Variants in PUDP observed in about 807,000 individuals in gnomAD.
The protein encoded by PUDP is pseudouridine 5'-phosphatase.
Under a neutral mutation model 9.4 loss-of-function variants are expected in PUDP, and 8 were observed. That is an observed-to-expected ratio of 0.85 (90% CI 0.50 to 1.53). PUDP has a LOEUF of 1.53. Ranked by LOEUF, PUDP falls within the 40% of genes most tolerant of loss-of-function variation. The pLI, the probability that PUDP is intolerant of heterozygous loss-of-function variation, is 0.00. For missense variants in PUDP, 188 were observed against 189.7 expected (o/e 0.99, Z 0.05); for synonymous variants, 99 against 80.7 (o/e 1.23, Z -1.22).
chrX:7,134,535 T>G (rs1240893413), intron 1 of PUDP, among the ~76,000 whole-genome samples: 1 of 112,192 alleles, frequency 8.9e-6, no homozygotes, highest in Admixed American at 9.5e-5. Flanking sequence ...TTAAAGAGCT[T>G]GTCACGTAAG....
At chrX:6,981,624 A>T (rs1438887363) in intron 1 of PUDP, among the ~76,000 whole-genome samples, 1 of 111,277 alleles carries the variant, frequency 9.0e-6, no homozygotes, top group Admixed American at 9.6e-5. Context: ...TTATTTTTTC[A>T]TTTTCCCTAT....
At chrX:6,953,702 C>A (rs747093700) in intron 3 of PUDP, among the ~76,000 whole-genome samples, 2 of 111,191 alleles carry the variant, frequency 1.8e-5, no homozygotes, top group Non-Finnish European at 3.8e-5. Context: ...AGCAGCAGTG[C>A]ATTGAACATT....
chrX:6,714,611 A>G (rs978791498), intron 1 of PUDP, among the ~76,000 whole-genome samples: 3 of 111,533 alleles, frequency 2.7e-5, no homozygotes, highest in African/African-American at 6.5e-5. Flanking sequence ...ATAGATACAT[A>G]GATACGTAGA....
intron 3 of PUDP, among the ~76,000 whole-genome samples, chrX:6,802,429 G>A (rs1268943164): frequency 9.0e-6 from 1 of 111,729 alleles, no homozygotes. Context: ...ACTGAGCTAT[G>A]GAGCATCTAA....
rs955388536 is a variant in PUDP at position 6,863,517 on chromosome X, C to T, written c.*247+113616G>A. On this transcript the variant is annotated intron_variant and NMD_transcript_variant, in intron 3 of 3. Transcript: ENST00000655425. ...ATTACACAGTGGAGTTACACATATT[C>T]AGCAGGTTTGGGGGGAAAGCTATAC... Among the ~76,000 whole-genome samples the T allele has an allele frequency of 2.7e-5, 3 of 111,955 alleles. No individual in the cohort carries two copies. The Admixed American group carries it at 2.8e-4, about 11-fold the overall frequency.
intron 3 of PUDP, among the ~76,000 whole-genome samples, chrX:6,740,353 C>T (rs967012565): frequency 4.5e-5 from 5 of 111,893 alleles, no homozygotes; most frequent in Non-Finnish European, 7.5e-5. Flanking sequence ...GGAATAGACA[C>T]TTCTTTGTAC....
chrX:6,887,088 A>G (rs998281488), intron 3 of PUDP, among the ~76,000 whole-genome samples: 2 of 103,811 alleles, frequency 1.9e-5, no homozygotes, highest in Non-Finnish European at 3.9e-5. Flanking sequence ...TTTATATGAT[A>G]AATTATATAT....
chrX:6,762,098 G>A (rs1043379691), intron 3 of PUDP, among the ~76,000 whole-genome samples: 5 of 111,528 alleles, frequency 4.5e-5, no homozygotes, highest in South Asian at 3.8e-4. Context: ...GGGCTGAGGC[G>A]GGAGGATGGA....
Position 7,075,216 on chromosome X carries a change from G to A in PUDP, c.510+2004C>T, listed in dbSNP as rs185479609. 1.6e-3 allele frequency among the ~76,000 whole-genome samples: 181 copies of A among 112,246 alleles called. 1 individual carries two copies. Among genetic ancestry groups the A allele is most frequent in the African/African-American group, 5.7e-3 (177 of 30,929 alleles). On this transcript the variant is annotated intron_variant, in intron 3 of 3. Coordinates refer to ENST00000381077, the MANE Select transcript of PUDP (RefSeq NM_012080.5). ...ATCAGAAAGACCAAATATGCGATTA[G>A]AAGATTAGGTCTGGGCACGGTGGCT...
intron 3 of PUDP, among the ~76,000 whole-genome samples, chrX:6,962,056 T>G (rs1236969975): frequency 1.8e-5 from 2 of 112,080 alleles, no homozygotes; most frequent in Non-Finnish European, 3.8e-5. Context: ...CTGAAAGAAC[T>G]AACAAGTAAA....
intron 1 of PUDP, among the ~76,000 whole-genome samples, chrX:7,142,959 AT>A: frequency 9.0e-6 from 1 of 110,921 alleles, no homozygotes. Flanking sequence ...CCAAAAGAGA[AT>A]TTTTTTGTAA....
chrX:6,775,555 T>C (rs1290941537), intron 3 of PUDP, among the ~76,000 whole-genome samples: 9 of 108,393 alleles, frequency 8.3e-5, no homozygotes, highest in Non-Finnish European at 3.8e-5. Flanking sequence ...TGCCTAGGAG[T>C]GTAATTGCTG....
At chrX:6,907,447 C>A (rs6654828) in intron 3 of PUDP, among the ~76,000 whole-genome samples, 25,193 of 111,195 alleles carry the variant, frequency 0.23, 2,256 homozygotes, top group Admixed American at 0.39. Context: ...CCATGTCTGT[C>A]CCCACATGTG....
chrX:6,914,083 C>A (rs1413454729), intron 3 of PUDP, among the ~76,000 whole-genome samples: 1 of 102,956 alleles, frequency 9.7e-6, no homozygotes, highest in Non-Finnish European at 2.0e-5. Flanking sequence ...AGGAGAATGG[C>A]GTGAATCTGG....
chrX:6,930,438 A>T (rs185302066), intron 3 of PUDP, among the ~76,000 whole-genome samples: 1 of 111,509 alleles, frequency 9.0e-6, no homozygotes, highest in African/African-American at 3.3e-5. Context: ...CAAATGCATT[A>T]GTTGCTAAAA....
chrX:6,736,077 A>G (rs1239134759), intron 3 of PUDP, among the ~76,000 whole-genome samples: 2 of 110,142 alleles, frequency 1.8e-5, no homozygotes, highest in Non-Finnish European at 3.8e-5. Context: ...AATCTACTCC[A>G]TTAAGGTATT....
At chrX:6,930,095 C>T (rs1928165840) in intron 3 of PUDP, among the ~76,000 whole-genome samples, 1 of 111,127 alleles carries the variant, frequency 9.0e-6, no homozygotes, top group Non-Finnish European at 1.9e-5. Context: ...CAGGGTCTTC[C>T]AGGATGAAGG....
At chrX:6,796,537 C>T in intron 3 of PUDP, among the ~76,000 whole-genome samples, 1 of 112,350 alleles carries the variant, frequency 8.9e-6, no homozygotes, top group African/African-American at 3.2e-5. Flanking sequence ...AACATCCCTA[C>T]TGATGGCATA....
At chrX:6,757,162 G>A (rs1925178215) in intron 3 of PUDP, among the ~76,000 whole-genome samples, 1 of 111,870 alleles carries the variant, frequency 8.9e-6, no homozygotes, top group South Asian at 3.8e-4. Flanking sequence ...AGGATTGCTG[G>A]TGGCATTGGG....
Sources: allele counts gnomAD v4.1 joint callset (sites outside exome capture counted in the v4.1 genomes callset), GRCh38; gene constraint gnomAD v4.1.1; transcripts MANE v1.5; gene names NCBI Gene and HGNC (gene_info 2026-07-23, HGNC 2026-07-21).